The following CDK14 variants were observed in gnomAD, a reference collection of about 807,000 sequenced individuals.
CDK14 encodes cyclin dependent kinase 14, also known as cyclin-dependent kinase 14.
In CDK14, 34 loss-of-function variants were observed where a neutral mutation model predicts 60.7. The ratio of observed to expected loss-of-function variants is 0.56; its 90% CI spans 0.43 to 0.75. The LOEUF (loss-of-function observed/expected upper bound fraction) is 0.75. Among genes scored for constraint, CDK14 ranks in the 30% least tolerant of loss-of-function variants. The pLI is 0.00. For missense variants in CDK14, 482 were observed against 564.1 expected (o/e 0.85, Z 1.47); for synonymous variants, 197 against 203.7 (o/e 0.97, Z 0.28).
intron 8 of CDK14, among the ~76,000 whole-genome samples, chr7:90,922,379 G>T (rs764112098): frequency 6.6e-5 from 10 of 151,860 alleles, no homozygotes; most frequent in Non-Finnish European, 1.5e-5. Flanking sequence ...TGAAAGCAAA[G>T]AATGTATTTA....
chr7:90,747,946 T>A (rs1803662410), intron 4 of CDK14, among the ~76,000 whole-genome samples, 171 bp downstream of exon 4: 1 of 143,690 alleles, frequency 7.0e-6, no homozygotes, highest in Admixed American at 7.2e-5. Flanking sequence ...TTGGAATTGG[T>A]GTACCCTGCT....
chr7:90,809,386 A>C (rs1788996644), intron 5 of CDK14, among the ~76,000 whole-genome samples: 1 of 152,190 alleles, frequency 6.6e-6, no homozygotes, highest in African/African-American at 2.4e-5. Flanking sequence ...GTACATAACA[A>C]AATGAAGGCA....
chr7:90,794,710 T>C (rs1338919590), intron 5 of CDK14, among the ~76,000 whole-genome samples: 6 of 152,204 alleles, frequency 3.9e-5, no homozygotes, highest in African/African-American at 1.4e-4. Flanking sequence ...TTTGTGCAGT[T>C]AACACAATCA....
chr7:91,033,208 G>A (rs772388830), intron 10 of CDK14, among the ~76,000 whole-genome samples: 2 of 152,124 alleles, frequency 1.3e-5, no homozygotes, highest in Non-Finnish European at 2.9e-5. Context: ...AATCTATAAG[G>A]CTGTTAAAGG....
chr7:90,955,834 T>G lies in CDK14; in HGVS notation c.947+17T>G, dbSNP rs1794393105. ...TGACATGTGGTGAGAAATGGAAGCT[T>G]TACTCTAGCTAATCTATCTGTAGTG... On this transcript the variant is annotated intron_variant, in intron 9 of 14. Coordinates refer to ENST00000380050, the MANE Select transcript of CDK14 (RefSeq NM_001287135.2). 5 of 1,611,720 alleles carry G rather than the reference T, an allele frequency of 3.1e-6. No homozygotes were observed. Among genetic ancestry groups the G allele is most frequent in the Non-Finnish European group, 4.2e-6 (5 of 1,178,586 alleles).
intron 2 of CDK14, among the ~76,000 whole-genome samples, chr7:90,689,434 G>A (rs1801508336): frequency 6.6e-6 from 1 of 152,106 alleles, no homozygotes; most frequent in South Asian, 2.1e-4. Context: ...TTAAGATTGA[G>A]CAAGAATGGC....
At chr7:91,035,575 C>G (rs1483031488) in intron 10 of CDK14, among the ~76,000 whole-genome samples, 1 of 121,522 alleles carries the variant, frequency 8.2e-6, no homozygotes, top group Non-Finnish European at 1.7e-5. Flanking sequence ...CCCCTCCCCC[C>G]ACCCCCAACC....
At chr7:90,633,543 C>A (rs571353551) in intron 2 of CDK14, among the ~76,000 whole-genome samples, 2 of 152,228 alleles carry the variant, frequency 1.3e-5, no homozygotes, top group Admixed American at 6.5e-5. Context: ...AAGGAATACA[C>A]AGAGATTGCT....
intron 3 of CDK14, among the ~76,000 whole-genome samples, chr7:90,729,371 T>TTCC (rs1491366603): frequency 1.5e-5 from 2 of 132,902 alleles, no homozygotes; most frequent in African/African-American, 3.3e-5. Context: ...TTTTTTTTTT[T>TTCC]CCCCACTCAT....
chr7:91,005,457 G>A (rs1272876412), intron 10 of CDK14, among the ~76,000 whole-genome samples: 2 of 152,182 alleles, frequency 1.3e-5, no homozygotes, highest in Non-Finnish European at 2.9e-5. Context: ...AGCATTACAC[G>A]TAAGCAGAAA....
intron 4 of CDK14, among the ~76,000 whole-genome samples, chr7:90,753,596 T>C (rs1344827757): frequency 6.6e-6 from 1 of 152,068 alleles, no homozygotes; most frequent in Non-Finnish European, 1.5e-5. Context: ...ATACCCACTC[T>C]CGCCGCTCCT....
At chr7:91,135,225 T>G (rs1800243122) in intron 14 of CDK14, among the ~76,000 whole-genome samples, 1 of 148,838 alleles carries the variant, frequency 6.7e-6, no homozygotes, top group Non-Finnish European at 1.5e-5. Flanking sequence ...GGGTTGGGGG[T>G]GAAAAGGAGG....
chr7:90,899,163 G>T, intron 6 of CDK14, 128 bp from the exon 7 acceptor site: 1 of 657,170 alleles, frequency 1.5e-6, no homozygotes, highest in Non-Finnish European at 2.4e-6. Flanking sequence ...TACATACACT[G>T]AAAAATCCAC....
At chr7:91,200,701 G>C (rs1393965815) in intron 14 of CDK14, among the ~76,000 whole-genome samples, 1 of 152,144 alleles carries the variant, frequency 6.6e-6, no homozygotes, top group South Asian at 2.1e-4. Context: ...TGGTCACTGG[G>C]ATCCTCTGAC....
At chr7:90,808,788 A>G (rs1049951574) in intron 5 of CDK14, among the ~76,000 whole-genome samples, 3 of 152,038 alleles carry the variant, frequency 2.0e-5, no homozygotes, top group Non-Finnish European at 4.4e-5. Context: ...CAAGCAAATG[A>G]AAAACAAAAA....
At chr7:91,142,644 A>G (rs1183250305) in intron 14 of CDK14, among the ~76,000 whole-genome samples, 1 of 152,224 alleles carries the variant, frequency 6.6e-6, no homozygotes, top group Non-Finnish European at 1.5e-5. Context: ...AATCAGGTTT[A>G]TTATTATATG....
At chr7:90,813,012 A>C (rs1342715091) in intron 5 of CDK14, among the ~76,000 whole-genome samples, 1 of 152,254 alleles carries the variant, frequency 6.6e-6, no homozygotes, top group East Asian at 1.9e-4. Flanking sequence ...ATCTGGAAAC[A>C]AGTTAAATGT....
intron 12 of CDK14, among the ~76,000 whole-genome samples, chr7:91,103,029 G>A (rs1002257264): frequency 6.6e-6 from 1 of 152,104 alleles, no homozygotes; most frequent in Non-Finnish European, 1.5e-5. Flanking sequence ...TGAGGCGGGC[G>A]GATCAACTGA....
intron 14 of CDK14, among the ~76,000 whole-genome samples, chr7:91,180,574 TC>T (rs2115875151): frequency 6.6e-6 from 1 of 152,330 alleles, no homozygotes; most frequent in African/African-American, 2.4e-5. Context: ...GTTTTTTTGC[TC>T]ATTTGTGACT....
Sources: gnomAD v4.1 joint callset for allele counts (sites outside exome capture counted in the v4.1 genomes callset) on GRCh38, gnomAD v4.1.1 for gene constraint, MANE v1.5 for transcripts, NCBI Gene and HGNC (gene_info 2026-07-23, HGNC 2026-07-21) for gene names.